KLC4: variants seen among roughly 807,000 people sequenced by gnomAD.
KLC4 encodes kinesin-like protein 8.
A neutral mutation model predicts 77.2 loss-of-function variants in KLC4; 49 were observed. The ratio of observed to expected loss-of-function variants is 0.63; its 90% CI spans 0.50 to 0.80. KLC4 has a LOEUF of 0.80. Among genes scored for constraint, KLC4 ranks in the 30% least tolerant of loss-of-function variants. KLC4 has a pLI of 0.00. For synonymous variants in KLC4, 274 were observed against 314.5 expected (o/e 0.87, Z 1.36); for missense variants, 669 against 793.5 (o/e 0.84, Z 1.89).
intron 11 of KLC4, 45 bp from the exon 12 acceptor site, chr6:43,072,102 C>T (rs775940953): frequency 1.3e-6 from 2 of 1,528,360 alleles, no homozygotes; most frequent in Non-Finnish European, 1.8e-6. Flanking sequence ...GTTTTGTTTT[C>T]TGAACTCATT....
At chr6:43,059,834 C>T (rs1765042157) in intron 1 of KLC4, 149 bp downstream of exon 1, 4 of 1,171,676 alleles carry the variant, frequency 3.4e-6, no homozygotes, top group South Asian at 2.5e-5. Context: ...CTTCCCCGCC[C>T]CTCGGCGTCC....
At chr6:43,061,728 A>T (rs1765175115) in intron 2 of KLC4, 135 bp downstream of exon 2, 9 of 890,712 alleles carry the variant, frequency 1.0e-5, no homozygotes, top group African/African-American at 1.7e-5. Flanking sequence ...TTAAGTCCCT[A>T]CTGTGTGCCA....
chr6:43,064,995 A>G (rs1393935667), intron 3 of KLC4, among the ~76,000 whole-genome samples: 3 of 152,208 alleles, frequency 2.0e-5, no homozygotes, highest in Non-Finnish European at 4.4e-5. Flanking sequence ...ATCAACGTAA[A>G]CACACAGAGA....
chr6:43,074,525 C>A, intron 15 of KLC4, 97 bp from the exon 16 acceptor site: 1 of 1,036,306 alleles, frequency 9.6e-7, no homozygotes, highest in Non-Finnish European at 1.5e-6. Flanking sequence ...ATCCTAGGTC[C>A]AGAGATACAC....
At position 43,074,635 on chromosome 6, in the gene KLC4, TCA is replaced by T; in HGVS notation, c.1824_1825del (p.Ser609CysfsTer86). The T allele has an allele frequency of 6.2e-7, 1 of 1,614,174 alleles. No homozygotes were observed. The highest frequency in any genetic ancestry group is 8.5e-7 in the Non-Finnish European group (1 of 1,180,004). ...TGTCTGTTTCAGGTCTCCCGGGGCCTCAGTGCCAGCACCATGGACCTCTCTTC... is the reference window on the plus strand; with the variant it reads ...TGTCTGTTTCAGGTCTCCCGGGGCCTGTGCCAGCACCATGGACCTCTCTTC... On this transcript the variant is annotated frameshift_variant, in exon 16 of 16. Transcript: ENST00000347162. LOFTEE classifies it high-confidence loss of function.
intron 1 of KLC4, chr6:43,060,386 C>A: frequency 1.5e-6 from 2 of 1,355,618 alleles, no homozygotes; most frequent in East Asian, 3.8e-5. Context: ...AATTGGGCGT[C>A]TTTGAAGACC....
chr6:43,071,217 A>G, intron 8 of KLC4, 58 bp from the exon 9 acceptor site: 1 of 1,053,746 alleles, frequency 9.5e-7, no homozygotes, highest in Non-Finnish European at 1.4e-6. Context: ...AAAAAAAAAA[A>G]AAAGACCTTG....
intron 4 of KLC4, among the ~76,000 whole-genome samples, chr6:43,066,079 A>G (rs1432940365): frequency 6.6e-6 from 1 of 152,206 alleles, no homozygotes; most frequent in African/African-American, 2.4e-5. Context: ...GTTCATACTT[A>G]TTAAATAAAT....
At chr6:43,073,075 T>A in intron 13 of KLC4, 111 bp downstream of exon 13, 1 of 1,423,102 alleles carries the variant, frequency 7.0e-7, no homozygotes, top group South Asian at 1.4e-5. Context: ...CAGGGGTATC[T>A]CTGGGAGCCA....
chr6:43,068,520 G>A (rs1055638461), intron 6 of KLC4, among the ~76,000 whole-genome samples: 3 of 149,582 alleles, frequency 2.0e-5, no homozygotes, highest in Non-Finnish European at 4.4e-5. Context: ...GTGTATAAGA[G>A]GAAGAGACTG....
At chr6:43,066,723 C>T (rs1346608237) in intron 5 of KLC4, among the ~76,000 whole-genome samples, 198 bp downstream of exon 5, 1 of 152,146 alleles carries the variant, frequency 6.6e-6, no homozygotes, top group African/African-American at 2.4e-5. Context: ...CCTTGGGATC[C>T]TTGTTCCTCT....
chr6:43,059,983 C>A, intron 1 of KLC4: 1 of 1,364,776 alleles, frequency 7.3e-7, no homozygotes, highest in Non-Finnish European at 9.5e-7. Context: ...CCGCCCCCGC[C>A]CATCTCACTC....
chr6:43,071,828 T>C (rs1765745291), intron 10 of KLC4, 24 bp from the exon 11 acceptor site: 6 of 1,608,678 alleles, frequency 3.7e-6, no homozygotes, highest in Non-Finnish European at 5.1e-6. Flanking sequence ...CTGCCCTTCT[T>C]TCTGGCCTCT....
rs936602911 is a variant in KLC4 at position 43,062,897 on chromosome 6, C to T, written c.259-20C>T. On this transcript the variant is annotated intron_variant, in intron 2 of 15. Transcript: ENST00000347162. ...ATACTCCCACCCAGAATCTGGAGCT[C>T]AGGGGATGTGCCCACCTAGGTGATG... is the stretch of plus-strand genomic sequence containing the variant. 6.2e-7 allele frequency: 1 copy of T among 1,605,884 alleles called. No individual in the cohort carries two copies. The highest frequency in any genetic ancestry group is 8.5e-7 in the Non-Finnish European group (1 of 1,172,612).
chr6:43,060,838 T>C (rs930193792), intron 1 of KLC4, among the ~76,000 whole-genome samples: 8 of 152,202 alleles, frequency 5.3e-5, no homozygotes, highest in Non-Finnish European at 8.8e-5. Context: ...TTCTTTTCCC[T>C]TTCTTCCCTG....
chr6:43,074,330 A>G (rs1765872215), intron 15 of KLC4: 4 of 486,070 alleles, frequency 8.2e-6, no homozygotes, highest in Non-Finnish European at 1.4e-5. Flanking sequence ...AATAATCCCC[A>G]TCTGAGAAAA....
At position 43,063,164 on chromosome 6, in the gene KLC4, G is replaced by A. The variant is rs1486242483; in HGVS notation, c.489+17G>A. The A allele has an allele frequency of 3.2e-6, 5 of 1,585,006 alleles. No individual in the cohort carries two copies. The highest frequency in any genetic ancestry group is 1.7e-5 in the Admixed American group (1 of 59,314). On this transcript the variant is annotated intron_variant, in intron 3 of 15. Transcript: ENST00000347162. ...CATACCTCGGTGAGTGTGCACAGGC[G>A]AGACTGGCTGAGGGGTGGGCAGCCG...
intron 4 of KLC4, 81 bp downstream of exon 4, chr6:43,065,782 C>A: frequency 1.1e-6 from 1 of 898,170 alleles, no homozygotes; most frequent in Non-Finnish European, 1.8e-6. Flanking sequence ...GTACACAGGA[C>A]AGTCACCATC....
At chr6:43,071,430 A>C in intron 9 of KLC4, 56 bp downstream of exon 9, 1 of 1,556,576 alleles carries the variant, frequency 6.4e-7, no homozygotes, top group East Asian at 2.2e-5. Context: ...ATTCAGACCA[A>C]AGGTCGGGGG....
Sources: allele counts gnomAD v4.1 joint callset (sites outside exome capture counted in the v4.1 genomes callset), GRCh38; gene constraint gnomAD v4.1.1; transcripts MANE v1.5; gene names NCBI Gene and HGNC (gene_info 2026-07-23, HGNC 2026-07-21).